The following SENP1 variants were observed in gnomAD, a reference collection of about 807,000 sequenced individuals.
SENP1 encodes the protein sentrin-specific protease 1.
In SENP1, 21 loss-of-function variants were observed where a neutral mutation model predicts 93.0. The observed-to-expected ratio is 0.23, with a 90% CI of 0.16 to 0.33. SENP1 has a LOEUF of 0.33. Among genes scored for constraint, SENP1 ranks in the 10% least tolerant of loss-of-function variants. The pLI is 1.00. For missense variants in SENP1, 591 were observed against 758.7 expected (o/e 0.78, Z 2.60); for synonymous variants, 256 against 259.6 (o/e 0.99, Z 0.13).
chr12:48,079,265 C>T (rs180935116), intron 6 of SENP1, among the ~76,000 whole-genome samples: 11 of 152,072 alleles, frequency 7.2e-5, no homozygotes, highest in Admixed American at 5.2e-4. Flanking sequence ...TTTGGGAGGC[C>T]GAGGCAGGTG....
intron 5 of SENP1, among the ~76,000 whole-genome samples, chr12:48,087,049 AAAAAC>A (rs541113962): frequency 0.027 from 4,146 of 152,046 alleles, 163 homozygotes; most frequent in African/African-American, 0.085. Flanking sequence ...AACAAAACAA[AAAAAC>A]AAAACAAAAC....
At chr12:48,092,523 C>A (rs1358008813) in intron 4 of SENP1, among the ~76,000 whole-genome samples, 7 of 152,088 alleles carry the variant, frequency 4.6e-5, no homozygotes, top group African/African-American at 9.7e-5. Flanking sequence ...TGTGACATGC[C>A]ATAAGCTTGT....
At chr12:48,056,461 CATATATAAATATATTATTTAATATATT>C (rs1942376892) in intron 13 of SENP1, among the ~76,000 whole-genome samples, 2 of 96,870 alleles carry the variant, frequency 2.1e-5, no homozygotes, top group African/African-American at 8.7e-5. Flanking sequence ...TTACATATTA[CATATATAAATATATTATTTAATATATT>C]ACATATTACA....
At chr12:48,049,542 T>A (rs754085385) in intron 13 of SENP1, among the ~76,000 whole-genome samples, 1 of 152,192 alleles carries the variant, frequency 6.6e-6, no homozygotes, top group Non-Finnish European at 1.5e-5. Context: ...GCAATTTAAG[T>A]AGATACTGAG....
intron 6 of SENP1, among the ~76,000 whole-genome samples, chr12:48,078,045 C>T (rs2137077068): frequency 6.6e-6 from 1 of 151,920 alleles, no homozygotes; most frequent in East Asian, 1.9e-4. Flanking sequence ...ATTAATTCTT[C>T]CAATCCATGA....
chr12:48,053,913 T>C (rs1330463029), intron 13 of SENP1, among the ~76,000 whole-genome samples: 1 of 152,176 alleles, frequency 6.6e-6, no homozygotes, highest in East Asian at 1.9e-4. Context: ...ATAACTAATA[T>C]GGGTTTATAG....
At chr12:48,092,722 A>C (rs1387502681) in intron 4 of SENP1, among the ~76,000 whole-genome samples, 1 of 152,230 alleles carries the variant, frequency 6.6e-6, no homozygotes, top group African/African-American at 2.4e-5. Context: ...TGAGAGATGA[A>C]GCTTTTAGTG....
rs2136762189 is a variant in SENP1 at position 48,049,029 on chromosome 12, G to A, written c.1511C>T (p.Ala504Val). ...CCAACGTTTCACTGCCTGATAACCA[G>A]CCGTTTTTAATTTAGTGAAGAAAAA... is the stretch of plus-strand genomic sequence containing the variant. Reference protein sequence around the residue: ...NTFFFTKLKTAGYQAVKRWTK... With the variant: ...NTFFFTKLKTVGYQAVKRWTK... Residue 504 changes from alanine to valine, a missense_variant, in exon 14 of 18, where the codon GCT becomes GTT. Transcript: ENST00000549518. The A allele has an allele frequency of 6.2e-7, 1 of 1,613,754 alleles. No homozygotes were observed. The highest frequency in any genetic ancestry group is 2.2e-5 in the East Asian group (1 of 44,878).
At chr12:48,079,430 C>T (rs937623924) in intron 6 of SENP1, among the ~76,000 whole-genome samples, 6 of 150,722 alleles carry the variant, frequency 4.0e-5, no homozygotes, top group Admixed American at 3.3e-4. Flanking sequence ...ACCCGGGAGA[C>T]GGAGGTTGCA....
intron 13 of SENP1, among the ~76,000 whole-genome samples, chr12:48,051,001 G>A (rs1336648933): frequency 1.3e-5 from 2 of 151,830 alleles, no homozygotes; most frequent in Admixed American, 6.6e-5. Context: ...AGATAAGGAC[G>A]GTGAAGCACA....
intron 13 of SENP1, among the ~76,000 whole-genome samples, chr12:48,061,949 G>A (rs1565754924): frequency 6.6e-6 from 1 of 152,142 alleles, no homozygotes; most frequent in South Asian, 2.1e-4. Context: ...ATGGCTAGGG[G>A]TGGTAGGGAT....
chr12:48,064,162 T>C (rs1323837809), intron 12 of SENP1, among the ~76,000 whole-genome samples: 1 of 152,224 alleles, frequency 6.6e-6, no homozygotes, highest in Admixed American at 6.5e-5. Context: ...AACTGTATTT[T>C]ATATCTCTGG....
At chr12:48,056,603 T>C (rs1316031132) in intron 13 of SENP1, among the ~76,000 whole-genome samples, 3 of 68,412 alleles carry the variant, frequency 4.4e-5, no homozygotes, top group South Asian at 6.8e-4. Context: ...ATATATTATT[T>C]AATATATTAC....
At chr12:48,088,345 G>A (rs139700344) in intron 5 of SENP1, among the ~76,000 whole-genome samples, 34 of 152,294 alleles carry the variant, frequency 2.2e-4, no homozygotes, top group African/African-American at 6.0e-4. Context: ...ACGAGTCACC[G>A]TGCCCGGTCT....
intron 13 of SENP1, among the ~76,000 whole-genome samples, chr12:48,057,107 T>A (rs1232696950): frequency 1.1e-5 from 1 of 92,416 alleles, no homozygotes; most frequent in African/African-American, 5.1e-5. Flanking sequence ...AATATATTAT[T>A]TAATATATTA....
intron 4 of SENP1, among the ~76,000 whole-genome samples, chr12:48,094,514 T>TA (rs1369933520): frequency 6.6e-6 from 1 of 151,942 alleles, no homozygotes; most frequent in African/African-American, 2.4e-5. Flanking sequence ...ACCCCATCTC[T>TA]ACTAAAAGTA....
At chr12:48,105,710 T>G in intron 1 of SENP1, 1 of 487,832 alleles carries the variant, frequency 2.0e-6, no homozygotes, top group Non-Finnish European at 3.8e-6. Context: ...CAACCGGCCT[T>G]TCCCCAAGTA....
Position 48,048,993 on chromosome 12 carries a change from A to T in SENP1, c.1547T>A (p.Val516Glu). Residue 516 changes from valine to glutamate, a missense_variant, in exon 14 of 18, where the codon GTA becomes GAA. Coordinates refer to ENST00000549518, the MANE Select transcript of SENP1 (RefSeq NM_001267594.2). ...YQAVKRWTKK[V>E]DVFSVDILLV... Reference sequence around the variant, plus strand: ...AAGAATGTCAACAGAAAATACATCTACTTTCTTTGTCCAACGTTTCACTGC... The same window carrying T: ...AAGAATGTCAACAGAAAATACATCTTCTTTCTTTGTCCAACGTTTCACTGC... 3.7e-6 allele frequency: 6 copies of T among 1,613,732 alleles called. No individual in the cohort carries two copies. The highest frequency in any genetic ancestry group is 5.1e-6 in the Non-Finnish European group (6 of 1,179,732).
intron 4 of SENP1, among the ~76,000 whole-genome samples, chr12:48,093,773 T>C (rs2137250703): frequency 6.7e-6 from 1 of 149,994 alleles, no homozygotes; most frequent in Non-Finnish European, 1.5e-5. Flanking sequence ...ACTATTAGCC[T>C]GGACAACATG....
Sources: gnomAD v4.1 joint callset for allele counts (sites outside exome capture counted in the v4.1 genomes callset) on GRCh38, gnomAD v4.1.1 for gene constraint, MANE v1.5 for transcripts, NCBI Gene and HGNC (gene_info 2026-07-23, HGNC 2026-07-21) for gene names.